The following NPEPPS variants were observed in gnomAD, a reference collection of about 807,000 sequenced individuals.
NPEPPS encodes the protein puromycin-sensitive aminopeptidase.
A neutral mutation model predicts 115.5 loss-of-function variants in NPEPPS; 14 were observed. That is an observed-to-expected ratio of 0.12 (90% CI 0.08 to 0.19). NPEPPS has a LOEUF of 0.19. Among genes scored for constraint, NPEPPS ranks in the 10% least tolerant of loss-of-function variants. The pLI is 1.00. For missense variants in NPEPPS, 523 were observed against 1,110.8 expected, an observed-to-expected ratio of 0.47 and a Z score of 7.52; for synonymous variants, 285 against 390.6, an observed-to-expected ratio of 0.73 and a Z score of 3.19.
In NPEPPS at chr17:47,618,752, C is replaced by G. The variant is rs575375469; in HGVS notation, c.2404-257C>G. Among the ~76,000 whole-genome samples, 74 of 152,336 alleles carry G rather than the reference C, an allele frequency of 4.9e-4. 1 individual carries two copies. In the South Asian group the frequency reaches 6.6e-3, roughly 14 times the overall value. On this transcript the variant is annotated intron_variant, in intron 20 of 22. Transcript: ENST00000322157. ...TTGCTTACTTTGTGTCTCTTCCTTT[C>G]TTAAACCTATAGGCTCCTAAGCAAG...
intron 2 of NPEPPS, among the ~76,000 whole-genome samples, chr17:47,560,887 T>C (rs1035000948): frequency 1.3e-5 from 2 of 152,222 alleles, no homozygotes; most frequent in African/African-American, 4.8e-5. Context: ...ATGTGGGCTA[T>C]ATAGAATTAT....
At chr17:47,535,159 C>T (rs1469825352) in intron 1 of NPEPPS, among the ~76,000 whole-genome samples, 14 of 126,792 alleles carry the variant, frequency 1.1e-4, no homozygotes, top group Middle Eastern at 6.4e-3. Flanking sequence ...AGGAGAATGG[C>T]GTGAATCTGG....
intron 2 of NPEPPS, among the ~76,000 whole-genome samples, chr17:47,552,035 C>T (rs1909693209): frequency 8.5e-6 from 1 of 118,140 alleles, no homozygotes; most frequent in Non-Finnish European, 1.8e-5. Flanking sequence ...TGCAGTGGCA[C>T]AGTCGTGGCT....
At chr17:47,552,644 GC>G (rs1172691627) in intron 2 of NPEPPS, among the ~76,000 whole-genome samples, 1 of 152,154 alleles carries the variant, frequency 6.6e-6, no homozygotes, top group African/African-American at 2.4e-5. Flanking sequence ...TATTTAAATA[GC>G]CTTAAGGTGA....
rs1378289577 is a variant in NPEPPS, at chr17:47,601,705, G to T, written c.1698G>T (p.Met566Ile). 6.2e-7 allele frequency: 1 copy of T among 1,613,576 alleles called. No homozygotes were observed. Among genetic ancestry groups the T allele is most frequent in the Non-Finnish European group, 8.5e-7 (1 of 1,179,736 alleles). ...KLKILMDKPEMNVVLKNVKPD... is the reference protein window; with the variant it reads ...KLKILMDKPEINVVLKNVKPD... ...AAATTCTAATGGACAAGCCAGAGAT[G>T]AATGTGGTTTTGAAAAATGTCAAAC... The change falls in exon 15 of 23, where the codon ATG (methionine) becomes ATT (isoleucine). Residue 566 changes from methionine to isoleucine, a missense_variant. Coordinates refer to ENST00000322157, the MANE Select transcript of NPEPPS (RefSeq NM_006310.4).
intron 1 of NPEPPS, among the ~76,000 whole-genome samples, chr17:47,542,012 G>A (rs1186308940): frequency 6.6e-6 from 1 of 152,080 alleles, no homozygotes; most frequent in Non-Finnish European, 1.5e-5. Flanking sequence ...AGCTAATCAT[G>A]TTTAAATATG....
chr17:47,594,281 ATACTT>A (rs1480021107), intron 12 of NPEPPS, among the ~76,000 whole-genome samples: 6 of 152,222 alleles, frequency 3.9e-5, no homozygotes, highest in African/African-American at 1.4e-4. Flanking sequence ...GATATTATAA[ATACTT>A]TACACTTAGG....
At chr17:47,605,264 A>C (rs904136771) in intron 16 of NPEPPS, 69 bp from the exon 17 acceptor site, 1 of 1,213,264 alleles carries the variant, frequency 8.2e-7, no homozygotes, top group Non-Finnish European at 1.2e-6. Context: ...AGATAATGCC[A>C]AAAATGCATG....
chr17:47,535,020 G>A (rs1189700402), intron 1 of NPEPPS, among the ~76,000 whole-genome samples: 107 of 141,244 alleles, frequency 7.6e-4, no homozygotes, highest in Middle Eastern at 8.3e-3. Flanking sequence ...CGAGGCGGGC[G>A]GATCACGAGG....
At chr17:47,572,448 G>A (rs1176815287) in intron 3 of NPEPPS, among the ~76,000 whole-genome samples, 5 of 149,190 alleles carry the variant, frequency 3.4e-5, no homozygotes, top group Non-Finnish European at 5.9e-5. Context: ...AAAGGAAGTT[G>A]GAAAAAGCAA....
At chr17:47,564,086 C>T (rs1196193352) in intron 2 of NPEPPS, among the ~76,000 whole-genome samples, 1 of 151,874 alleles carries the variant, frequency 6.6e-6, no homozygotes, top group East Asian at 1.9e-4. Flanking sequence ...GCGCACGCCA[C>T]CATGCCCTGC....
intron 12 of NPEPPS, among the ~76,000 whole-genome samples, chr17:47,595,591 C>G (rs1487081668): frequency 6.6e-6 from 1 of 152,120 alleles, no homozygotes; most frequent in African/African-American, 2.4e-5. Flanking sequence ...ACCTGTAATT[C>G]CAGCACCTTG....
At chr17:47,562,965 A>G (rs1313996155) in intron 2 of NPEPPS, among the ~76,000 whole-genome samples, 1 of 151,596 alleles carries the variant, frequency 6.6e-6, no homozygotes, top group African/African-American at 2.4e-5. Flanking sequence ...TTTTTTCCCC[A>G]ATATATACTT....
At chr17:47,564,563 C>CAT (rs201769829) in intron 2 of NPEPPS, among the ~76,000 whole-genome samples, 1 of 151,118 alleles carries the variant, frequency 6.6e-6, no homozygotes, top group African/African-American at 2.4e-5. Context: ...GCTTAATTTA[C>CAT]ATATATATAC....
At chr17:47,618,967 G>A (rs936326979) in intron 20 of NPEPPS, 42 bp from the exon 21 acceptor site, 51 of 1,590,670 alleles carry the variant, frequency 3.2e-5, no homozygotes, top group Non-Finnish European at 4.1e-5. Flanking sequence ...ACCAGAATAT[G>A]TTTTTGATAC....
chr17:47,528,138 C>G (rs548461486), upstream of NPEPPS, among the ~76,000 whole-genome samples: 6 of 151,262 alleles, frequency 4.0e-5, no homozygotes, highest in East Asian at 9.7e-4. Flanking sequence ...TCCATCTGTA[C>G]TAAAAATACA....
intron 1 of NPEPPS, among the ~76,000 whole-genome samples, chr17:47,539,250 G>T (rs1908577558): frequency 6.6e-6 from 1 of 152,002 alleles, no homozygotes; most frequent in Non-Finnish European, 1.5e-5. Context: ...TGCTCTTATT[G>T]TGAAGTAAAT....
chr17:47,550,329 G>GTT (rs1198481590), intron 2 of NPEPPS, among the ~76,000 whole-genome samples: 10 of 95,784 alleles, frequency 1.0e-4, no homozygotes, highest in African/African-American at 2.6e-4. Context: ...GCATGTGTGT[G>GTT]TTTTTTTTTT....
intron 19 of NPEPPS, among the ~76,000 whole-genome samples, chr17:47,616,795 A>G (rs1230282907): frequency 1.3e-5 from 2 of 151,426 alleles, no homozygotes; most frequent in Non-Finnish European, 2.9e-5. Context: ...AAAAAAAAAA[A>G]AAAAAGAGAC....
Sources: gnomAD v4.1 joint callset for allele counts (sites outside exome capture counted in the v4.1 genomes callset) on GRCh38, gnomAD v4.1.1 for gene constraint, MANE v1.5 for transcripts, NCBI Gene and HGNC (gene_info 2026-07-23, HGNC 2026-07-21) for gene names.